Variants in GPHN observed in about 807,000 individuals in gnomAD.
GPHN encodes the protein gephyrin.
Under a neutral mutation model 95.5 loss-of-function variants are expected in GPHN, and 17 were observed. That is an observed-to-expected ratio of 0.18 (90% CI 0.12 to 0.27). The LOEUF (loss-of-function observed/expected upper bound fraction) is 0.27. GPHN is among the 10% of genes least tolerant of loss of function. The probability of loss-of-function intolerance (pLI) is 1.00; values close to 1 mark genes in which losing one functional copy is unlikely to be tolerated. For synonymous variants in GPHN, 320 were observed against 322.5 expected (o/e 0.99, Z 0.08); for missense variants, 660 against 978.1 (o/e 0.67, Z 4.34).
chr14:67,528,280 G>T, the GPHN span, among the ~76,000 whole-genome samples: 3 of 152,196 alleles, frequency 2.0e-5, no homozygotes, highest in East Asian at 1.9e-4. Flanking sequence ...CCCACTGTCA[G>T]CATGAAAACC....
the GPHN span, among the ~76,000 whole-genome samples, chr14:67,378,217 GA>G: frequency 1.3e-5 from 2 of 150,960 alleles, no homozygotes; most frequent in Non-Finnish European, 2.9e-5. Context: ...TTAGAGGGGG[GA>G]AAAAAGAGAA....
At chr14:66,939,921 C>G (rs1268850388) in intron 8 of GPHN, among the ~76,000 whole-genome samples, 1 of 152,054 alleles carries the variant, frequency 6.6e-6, no homozygotes, top group Non-Finnish European at 1.5e-5. Flanking sequence ...AGAGAGAAAC[C>G]AGGTTATTAG....
At chr14:67,730,992 G>A in the GPHN span, among the ~76,000 whole-genome samples, 1 of 152,040 alleles carries the variant, frequency 6.6e-6, no homozygotes, top group Non-Finnish European at 1.5e-5. Context: ...TGAGATAAAA[G>A]ATATCTCATT....
At chr14:66,817,229 G>A (rs2061007374) in intron 3 of GPHN, among the ~76,000 whole-genome samples, 1 of 151,820 alleles carries the variant, frequency 6.6e-6, no homozygotes, top group South Asian at 2.1e-4. Flanking sequence ...GTTTGTGTAT[G>A]TGTATACATA....
At chr14:67,344,918 G>A in the GPHN span, among the ~76,000 whole-genome samples, 1 of 150,734 alleles carries the variant, frequency 6.6e-6, no homozygotes, top group Non-Finnish European at 1.5e-5. Flanking sequence ...AAAAACAAGA[G>A]TGTACCATAG....
intron 8 of GPHN, among the ~76,000 whole-genome samples, chr14:66,959,462 A>G (rs1351382820): frequency 2.6e-5 from 4 of 152,130 alleles, no homozygotes; most frequent in Non-Finnish European, 4.4e-5. Context: ...TTTATGAGCA[A>G]TGAACTCACT....
chr14:67,316,743 T>G, the GPHN span: 3 of 942,704 alleles, frequency 3.2e-6, no homozygotes, highest in Admixed American at 7.9e-5. Flanking sequence ...TGAAGAGATA[T>G]GTCTAGTGTT....
chr14:66,991,716 C>CA (rs889007265), intron 9 of GPHN, among the ~76,000 whole-genome samples: 1 of 149,838 alleles, frequency 6.7e-6, no homozygotes, highest in Non-Finnish European at 1.5e-5. Context: ...ACTAAAAATA[C>CA]AAAAAATTAG....
At chr14:67,098,531 C>T (rs2077517301) in intron 12 of GPHN, among the ~76,000 whole-genome samples, 1 of 151,956 alleles carries the variant, frequency 6.6e-6, no homozygotes, top group African/African-American at 2.4e-5. Flanking sequence ...GAAAATGGGT[C>T]AGGCGCGGTG....
chr14:67,408,305 A>T, the GPHN span, among the ~76,000 whole-genome samples: 2 of 76,016 alleles, frequency 2.6e-5, no homozygotes, highest in Non-Finnish European at 6.6e-5. Context: ...TAAATAAAAT[A>T]AAATAAAATA....
chr14:67,713,335 C>T, the GPHN span, among the ~76,000 whole-genome samples: 1 of 145,862 alleles, frequency 6.9e-6, no homozygotes, highest in South Asian at 2.2e-4. Flanking sequence ...AAGGAGTTAC[C>T]TGCTTTCCAT....
At chr14:66,529,935 C>A (rs984526483) in intron 1 of GPHN, among the ~76,000 whole-genome samples, 8 of 152,148 alleles carry the variant, frequency 5.3e-5, no homozygotes, top group Non-Finnish European at 1.0e-4. Context: ...GGTCAGGGAC[C>A]CACTTGAGGC....
the GPHN span, among the ~76,000 whole-genome samples, chr14:67,645,293 T>C: frequency 6.6e-6 from 1 of 152,090 alleles, no homozygotes; most frequent in African/African-American, 2.4e-5. Context: ...GGATTACAGG[T>C]GTACACCATC....
At chr14:66,906,425 T>TC (rs1380983718) in intron 5 of GPHN, among the ~76,000 whole-genome samples, 1 of 152,162 alleles carries the variant, frequency 6.6e-6, no homozygotes, top group Admixed American at 6.5e-5. Flanking sequence ...TCTCACTTTT[T>TC]CCAATGTTAA....
the GPHN span, among the ~76,000 whole-genome samples, chr14:67,322,843 C>T: frequency 6.6e-6 from 1 of 152,160 alleles, no homozygotes; most frequent in South Asian, 2.1e-4. Context: ...TTTGATAGAG[C>T]GTGTCAGTTT....
chr14:67,587,220 G>A, the GPHN span: 18 of 1,613,670 alleles, frequency 1.1e-5, no homozygotes, highest in East Asian at 4.0e-4. Context: ...CTACCAAGGG[G>A]CCAACGTTGC....
the GPHN span, among the ~76,000 whole-genome samples, chr14:67,456,827 A>G: frequency 0.015 from 2,223 of 152,340 alleles, 87 homozygotes; most frequent in Admixed American, 0.069. Context: ...AGGCACACAT[A>G]TGTATGTTCA....
chr14:67,383,173 A>G, the GPHN span: 96 of 860,276 alleles, frequency 1.1e-4, 1 homozygote, highest in Non-Finnish European at 1.5e-4. Context: ...TTTATTGCTG[A>G]TAAGTCACTC....
the GPHN span, among the ~76,000 whole-genome samples, chr14:67,708,380 G>T: frequency 1.3e-5 from 2 of 152,020 alleles, no homozygotes; most frequent in Non-Finnish European, 2.9e-5. Context: ...CTATTCTAAG[G>T]TTACAATCTC....
Sources: allele counts gnomAD v4.1 joint callset (sites outside exome capture counted in the v4.1 genomes callset), GRCh38; gene constraint gnomAD v4.1.1; transcripts MANE v1.5; gene names NCBI Gene and HGNC (gene_info 2026-07-23, HGNC 2026-07-21).